Variants in CBX2 observed in about 807,000 individuals in gnomAD.
The protein encoded by CBX2 is chromobox protein homolog 2.
A neutral mutation model predicts 21.0 loss-of-function variants in CBX2; 11 were observed. That is an observed-to-expected ratio of 0.52 (90% CI 0.33 to 0.87). CBX2 has a LOEUF of 0.87. Among genes scored for constraint, CBX2 ranks in the 40% least tolerant of loss-of-function variants. The probability of loss-of-function intolerance (pLI) is 0.02; values close to 1 mark genes in which losing one functional copy is unlikely to be tolerated. For synonymous variants in CBX2, 364 were observed against 304.6 expected (o/e 1.19, Z -2.03); for missense variants, 746 against 724.3 (o/e 1.03, Z -0.34).
Position 79,784,289 on chromosome 17 carries a change from C to T in CBX2, c.846C>T (p.Asn282=). Residue 282 remains asparagine (N), a synonymous_variant, in exon 5 of 5, where the codon AAC becomes AAT. Transcript: ENST00000310942. The surrounding 1 kb of genome is among the most constrained non-coding windows in gnomAD (Gnocchi z 5.9). ...TGGCGCTGAAGGCCCAGGCCACCAACAAGTGCGGCCTCGGGCTGGACCTGA... is the reference window on the plus strand; with the variant it reads ...TGGCGCTGAAGGCCCAGGCCACCAATAAGTGCGGCCTCGGGCTGGACCTGA... ...SRLALKAQAT[N]KCGLGLDLKV... The T allele has an allele frequency of 1.2e-6, 2 of 1,613,042 alleles. No homozygotes were observed. Among genetic ancestry groups the T allele is most frequent in the Non-Finnish European group, 1.7e-6 (2 of 1,179,866 alleles).
chr17:79,779,260 G>C, intron 2 of CBX2, 102 bp from the exon 3 acceptor site: 4 of 1,126,816 alleles, frequency 3.5e-6, no homozygotes, highest in Non-Finnish European at 5.3e-6. Context: ...CACTGCCATC[G>C]GCCCAAGTCG....
chr17:79,782,278 G>A lies in CBX2; in HGVS notation c.288+477G>A, dbSNP rs537410953. The A allele has an allele frequency of 2.7e-5, 41 of 1,544,258 alleles. No individual in the cohort carries two copies. The Admixed American group carries it at 6.9e-4, about 26-fold the overall frequency. On this transcript the variant is annotated intron_variant, in intron 4 of 4. Transcript: ENST00000310942. ...GCAGGGCTGACTGAATAGCCAGGGG[G>A]TGCCAGGAGGGGCCTTGGAGGAGGG...
chr17:79,780,977 T>G (rs1317010647), intron 3 of CBX2, among the ~76,000 whole-genome samples: 1 of 152,004 alleles, frequency 6.6e-6, no homozygotes, highest in Non-Finnish European at 1.5e-5. Flanking sequence ...CCAGGGCCCC[T>G]TTTCTGAAAT....
chr17:79,779,944 C>G (rs1372025072), intron 3 of CBX2, among the ~76,000 whole-genome samples: 3 of 152,268 alleles, frequency 2.0e-5, no homozygotes, highest in Admixed American at 1.3e-4. Flanking sequence ...TTATTTTGCT[C>G]TGGCCTGCAG....
rs1555830982 is a variant in CBX2, at chr17:79,783,858, A to T, written c.415A>T (p.Thr139Ser). The part of the protein sequence containing the change: ...DAKRGPRGRE[T>S]HPVPQKKAQI... ...TAAGAGGGGTCCCCGGGGCCGCGAG[A>T]CCCACCCAGTGCCGCAGAAGAAGGC... Residue 139 changes from threonine to serine, a missense_variant, in exon 5 of 5, where the codon ACC becomes TCC. Physicochemically the swap from Thr to Ser is moderately conservative, Grantham distance 58. Coordinates refer to ENST00000310942, the MANE Select transcript of CBX2 (RefSeq NM_005189.3). 1 of 1,613,758 alleles carries T rather than the reference A, an allele frequency of 6.2e-7. No individual in the cohort carries two copies. Among genetic ancestry groups the T allele is most frequent in the East Asian group, 2.2e-5 (1 of 44,870 alleles).
Position 79,784,802 on chromosome 17 carries a change from C to T in CBX2, c.1359C>T (p.Ala453=). ...CCCCCGGAGAAGCCCGCAAGGCGGC[C>T]ACACTGCCAGAGATGAGCGCAGGTG... is the stretch of plus-strand genomic sequence containing the variant. The part of the protein sequence containing the change: ...RTAPGEARKA[A]TLPEMSAGEE... Residue 453 remains alanine (A), a synonymous_variant, in exon 5 of 5, where the codon GCC becomes GCT. Transcript: ENST00000310942. The surrounding 1 kb of genome is among the most constrained non-coding windows in gnomAD (Gnocchi z 5.9). The T allele has an allele frequency of 6.2e-7, 1 of 1,611,150 alleles. No individual in the cohort carries two copies. Among genetic ancestry groups the T allele is most frequent in the South Asian group, 1.1e-5 (1 of 90,800 alleles).
At position 79,784,661 on chromosome 17, in the gene CBX2, C is replaced by T. The variant is rs782597003; in HGVS notation, c.1218C>T (p.Thr406=). ...LIGASGATMP[T]DTSKSEKLAS... ...GGGCCAGCGGGGCCACCATGCCCAC[C>T]GACACAAGCAAAAGTGAGAAGCTGG... is the stretch of plus-strand genomic sequence containing the variant. The change falls in exon 5 of 5, where the codon ACC becomes ACT. Residue 406 remains threonine (T), a synonymous_variant. Transcript: ENST00000310942. The surrounding 1 kb of genome is among the most constrained non-coding windows in gnomAD (Gnocchi z 5.9). 54 of 1,612,230 alleles carry T rather than the reference C, an allele frequency of 3.3e-5. 1 individual carries two copies. The South Asian group carries it at 4.0e-4, about 12-fold the overall frequency.
chr17:79,785,164 C>T lies in CBX2; in HGVS notation c.*122C>T, dbSNP rs1019155535. ...GGGTCGGGGGAGGAGGAGTGGGTGG[C>T]CTCCTTGATGGGCAGGCTTGGAAGG... On this transcript the variant is annotated 3_prime_UTR_variant, in exon 5 of 5. Transcript: ENST00000310942. 5 of 826,154 alleles carry T rather than the reference C, an allele frequency of 6.1e-6. No individual in the cohort carries two copies. In the East Asian group the frequency reaches 1.3e-4, roughly 22 times the overall value. The allele number at this position is 826,154 out of a possible 1,614,324, so 51.2% of individuals were successfully genotyped here.
intron 4 of CBX2, chr17:79,782,237 G>C (rs925113460): frequency 6.3e-7 from 1 of 1,587,150 alleles, no homozygotes; most frequent in South Asian, 1.1e-5. Context: ...ACCTTAAATC[G>C]AGGTGGCCAC....
Position 79,783,775 on chromosome 17 carries a change from C to T in CBX2, c.332C>T (p.Ser111Phe), listed in dbSNP as rs782283634. 3 of 1,562,010 alleles carry T rather than the reference C, an allele frequency of 1.9e-6. No homozygotes were observed. The African/African-American group carries it at 4.1e-5, about 21-fold the overall frequency. Reference sequence around the variant, plus strand: ...AAATCCAAGTCCAGCAGTTCCTCCTCTTCCTCCACGTCATCCTCCTCTTCC... The same window carrying T: ...AAATCCAAGTCCAGCAGTTCCTCCTTTTCCTCCACGTCATCCTCCTCTTCC... ...PSKSKSSSSSSSSTSSSSSSD... is the reference protein window; with the variant it reads ...PSKSKSSSSSFSSTSSSSSSD... The change falls in exon 5 of 5, where the codon TCT (serine) becomes TTT (phenylalanine). Residue 111 changes from serine to phenylalanine, a missense_variant. By Grantham distance (155) the Ser-to-Phe change is radical. This residue lies in a region of CBX2 where 701 missense variants were observed against 650.7 expected (regional missense o/e 1.08). Coordinates refer to ENST00000310942, the MANE Select transcript of CBX2 (RefSeq NM_005189.3).
In CBX2 at chr17:79,787,455, C is replaced by G. The variant is rs782242811; in HGVS notation, c.*2413C>G. On this transcript the variant is annotated 3_prime_UTR_variant, in exon 5 of 5. Coordinates refer to ENST00000310942, the MANE Select transcript of CBX2 (RefSeq NM_005189.3). ...CCTTCTTACTGTGTTGTGTGTTTTT[C>G]CTGGTGCTTCAAGAGCGTGTGCAGG... 1 of 152,706 alleles carries G rather than the reference C, an allele frequency of 6.5e-6. No individual in the cohort carries two copies. The highest frequency in any genetic ancestry group is 1.5e-5 in the Non-Finnish European group (1 of 68,066). 9.5% of individuals were successfully genotyped at this position (152,706 alleles called of 1,614,324 possible).
rs1907563269 is a variant in CBX2, at chr17:79,785,355, GCTT to G, written c.*318_*320del. 2.2e-6 allele frequency: 1 copy of G among 458,598 alleles called. No homozygotes were observed. The highest frequency in any genetic ancestry group is 4.0e-6 in the Non-Finnish European group (1 of 248,442). The allele number at this position is 458,598 out of a possible 1,614,324, so 28.4% of individuals were successfully genotyped here. A position where few individuals can be genotyped will look rare whatever the true frequency, so the allele number is the denominator to read the frequency against. On this transcript the variant is annotated 3_prime_UTR_variant, in exon 5 of 5. Coordinates refer to ENST00000310942, the MANE Select transcript of CBX2 (RefSeq NM_005189.3). ...CAGGTGACTGTCTTGAACAGAGCGG[GCTT>G]CTTCATGGCTGCGTTGTTGCTGAGT...
In CBX2 at chr17:79,785,097, G is replaced by A. The variant is rs782514683; in HGVS notation, c.*55G>A. The A allele has an allele frequency of 3.7e-5, 54 of 1,462,764 alleles. No homozygotes were observed. Among genetic ancestry groups the A allele is most frequent in the Middle Eastern group, 1.9e-4 (1 of 5,400 alleles). 90.6% of individuals were successfully genotyped at this position (1,462,764 alleles called of 1,614,324 possible). Reference sequence around the variant, plus strand: ...ACTCCCCTTCCCTGCCTATGGTGTCGCTTGGCTAAGTGACTCCCAGCCCAA... The same window carrying A: ...ACTCCCCTTCCCTGCCTATGGTGTCACTTGGCTAAGTGACTCCCAGCCCAA... On this transcript the variant is annotated 3_prime_UTR_variant, in exon 5 of 5. Transcript: ENST00000310942.
chr17:79,782,588 G>GAAATCCTCCTGGAA, intron 4 of CBX2: 1 of 797,036 alleles, frequency 1.3e-6, no homozygotes, highest in Non-Finnish European at 1.6e-6. Flanking sequence ...GCCTTTCCAG[G>GAAATCCTCCTGGAA]AGGATTTCCT....
In CBX2 at chr17:79,784,781, C is replaced by CG; in HGVS notation, c.1340dup (p.Glu448ArgfsTer15). 6.2e-7 allele frequency: 1 copy of CG among 1,610,264 alleles called. No individual in the cohort carries two copies. The highest frequency in any genetic ancestry group is 8.5e-7 in the Non-Finnish European group (1 of 1,178,742). On this transcript the variant is annotated frameshift_variant, in exon 5 of 5. Coordinates refer to ENST00000310942, the MANE Select transcript of CBX2 (RefSeq NM_005189.3). LOFTEE classifies it high-confidence loss of function. This position sits in a 1 kb window ranked among gnomAD's most constrained non-coding sequence, Gnocchi z 5.9. ...GTGGGCAGGAGAGCCGCACAGCCCC[C>CG]GGAGAAGCCCGCAAGGCGGCCACAC...
chr17:79,779,470 G>A (rs782549730), intron 3 of CBX2, 43 bp downstream of exon 3: 2 of 1,580,420 alleles, frequency 1.3e-6, no homozygotes, highest in African/African-American at 1.3e-5. Context: ...GGGGAGGGAC[G>A]GTGGCTGGTT....
Position 79,786,706 on chromosome 17 carries a change from A to G in CBX2, c.*1664A>G, listed in dbSNP as rs782705029. On this transcript the variant is annotated 3_prime_UTR_variant, in exon 5 of 5. Coordinates refer to ENST00000310942, the MANE Select transcript of CBX2 (RefSeq NM_005189.3). ...GGAGTCCGCCAGCAGGCATGGGGCTACATTCCAGTGCCTGACTATAGGGAG... is the reference window on the plus strand; with the variant it reads ...GGAGTCCGCCAGCAGGCATGGGGCTGCATTCCAGTGCCTGACTATAGGGAG... 1.3e-4 allele frequency: 20 copies of G among 152,720 alleles called. No homozygotes were observed. Among genetic ancestry groups the G allele is most frequent in the Non-Finnish European group, 1.6e-4 (11 of 68,096 alleles). 9.5% of individuals were successfully genotyped at this position (152,720 alleles called of 1,614,324 possible).
At position 79,781,917 on chromosome 17, in the gene CBX2, C is replaced by T. The variant is rs782747834; in HGVS notation, c.288+116C>T. ...AGGGGGTGGCACTTCTGCCAACAGT[C>T]TGTCCCTCTACTCGGAAAACAGGAG... On this transcript the variant is annotated intron_variant, in intron 4 of 4. Coordinates refer to ENST00000310942, the MANE Select transcript of CBX2 (RefSeq NM_005189.3). 1.9e-6 allele frequency: 3 copies of T among 1,614,198 alleles called. No homozygotes were observed. The South Asian group carries it at 3.3e-5, about 18-fold the overall frequency.
Position 79,784,089 on chromosome 17 carries a change from G to T in CBX2, c.646G>T (p.Ala216Ser). The change falls in exon 5 of 5, where the codon GCC becomes TCC. Residue 216 changes from alanine (A) to serine (S), a missense_variant. Ala to Ser is a moderately conservative substitution (Grantham distance 99). This residue lies in a region of CBX2 where 701 missense variants were observed against 650.7 expected (regional missense o/e 1.08). Coordinates refer to ENST00000310942, the MANE Select transcript of CBX2 (RefSeq NM_005189.3). The surrounding 1 kb of genome is among the most constrained non-coding windows in gnomAD (Gnocchi z 5.9). The part of the protein sequence containing the change: ...APVAGLAALK[A>S]HAKEACGGPS... The stretch of plus-strand genomic sequence containing the variant: ...CGTTGCAGGCCTGGCAGCTCTGAAG[G>T]CCCACGCCAAGGAGGCCTGTGGCGG... The T allele has an allele frequency of 6.2e-7, 1 of 1,612,154 alleles. No homozygotes were observed. Among genetic ancestry groups the T allele is most frequent in the Non-Finnish European group, 8.5e-7 (1 of 1,179,580 alleles).
Sources: gnomAD v4.1 joint callset for allele counts (sites outside exome capture counted in the v4.1 genomes callset) on GRCh38, gnomAD v4.1.1 for gene constraint, gnomAD v4.1.1 regional missense constraint, Gnocchi (gnomAD v3.1) non-coding constraint, MANE v1.5 for transcripts, NCBI Gene and HGNC (gene_info 2026-07-23, HGNC 2026-07-21) for gene names.